Variants in LDB2 observed in about 807,000 individuals in gnomAD.
LDB2 encodes LIM domain-binding protein 2.
A neutral mutation model predicts 44.3 loss-of-function variants in LDB2; 12 were observed. The observed-to-expected ratio is 0.27, with a 90% CI of 0.17 to 0.44. The LOEUF is 0.44. Ranked by LOEUF, LDB2 falls within the 20% of genes least tolerant of loss-of-function variation. The probability of loss-of-function intolerance (pLI) is 1.00; values close to 1 mark genes in which losing one functional copy is unlikely to be tolerated. For missense variants in LDB2, 344 were observed against 473.5 expected, an observed-to-expected ratio of 0.73 and a Z score of 2.54; for synonymous variants, 164 against 174.8, an observed-to-expected ratio of 0.94 and a Z score of 0.49.
chr4:16,802,304 A>G (rs1777991636), intron 1 of LDB2, among the ~76,000 whole-genome samples: 1 of 152,202 alleles, frequency 6.6e-6, no homozygotes, highest in African/African-American at 2.4e-5. Flanking sequence ...TTTGTTGTTC[A>G]CCAGCTATTA....
chr4:16,898,364 G>T lies in LDB2; in HGVS notation c.122C>A (p.Ser41Tyr). The change falls in exon 1 of 8, where the codon TCT (serine) becomes TAT (tyrosine). Residue 41 changes from serine to tyrosine, a missense_variant. Physicochemically the swap from Ser to Tyr is moderately radical, Grantham distance 144. Around this residue, in one of 3 missense-constraint regions of LDB2, gnomAD observed 226 missense variants for 270.1 expected, o/e 0.84. Coordinates refer to ENST00000304523, the MANE Select transcript of LDB2 (RefSeq NM_001290.5). ...GGTTGAAGTACTTACCTCTGTGCGAGACTGCAGTCTCTTGTTCATCTCATA... is the reference window on the plus strand; with the variant it reads ...GGTTGAAGTACTTACCTCTGTGCGATACTGCAGTCTCTTGTTCATCTCATA... ...RIYEMNKRLQ[S>Y]RTEDSDNLWW... The T allele has an allele frequency of 6.2e-7, 1 of 1,613,584 alleles. No homozygotes were observed.
chr4:16,896,208 T>A (rs947127109), intron 1 of LDB2, among the ~76,000 whole-genome samples: 2 of 152,216 alleles, frequency 1.3e-5, no homozygotes, highest in Admixed American at 6.5e-5. Flanking sequence ...CTTCTCTTGG[T>A]TCTTGAGCTA....
chr4:16,844,254 A>AG (rs2110129838), intron 1 of LDB2, among the ~76,000 whole-genome samples: 1 of 148,254 alleles, frequency 6.7e-6, no homozygotes, highest in East Asian at 2.0e-4. Flanking sequence ...TCTCCAAAAA[A>AG]AAAAAAAAAA....
intron 1 of LDB2, among the ~76,000 whole-genome samples, chr4:16,891,467 C>T (rs1292882292): frequency 6.6e-6 from 1 of 151,898 alleles, no homozygotes; most frequent in Non-Finnish European, 1.5e-5. Context: ...CGTGTGCCAC[C>T]ATGCCTGGTT....
chr4:16,712,453 G>C (rs1756110655), intron 2 of LDB2, among the ~76,000 whole-genome samples: 1 of 152,138 alleles, frequency 6.6e-6, no homozygotes, highest in Non-Finnish European at 1.5e-5. Flanking sequence ...TTGGGAGGCT[G>C]AGGCAGGAGA....
In LDB2 at chr4:16,837,573, T is replaced by C. The variant is rs138199381; in HGVS notation, c.132+60781A>G. Among the ~76,000 whole-genome samples the C allele has an allele frequency of 2.1e-3, 321 of 152,326 alleles. 5 individuals carry two copies. In the East Asian group the frequency reaches 0.038, roughly 18 times the overall value. The stretch of plus-strand genomic sequence containing the variant: ...CTTAGAAGTCACTTGCACACTAGGA[T>C]TGCTTTCTGGCTCTGCATGAAAAAG... On this transcript the variant is annotated intron_variant, in intron 1 of 7. Transcript: ENST00000304523.
intron 2 of LDB2, among the ~76,000 whole-genome samples, chr4:16,599,867 T>C (rs551861273): frequency 1.3e-5 from 2 of 152,262 alleles, no homozygotes; most frequent in Admixed American, 6.5e-5. Context: ...CTCTTTCAAA[T>C]TGATTTTTGA....
At chr4:16,736,304 G>A (rs540285560) in intron 2 of LDB2, among the ~76,000 whole-genome samples, 15 of 152,120 alleles carry the variant, frequency 9.9e-5, no homozygotes, top group East Asian at 1.9e-4. Context: ...TCAATGAAAC[G>A]TCTTCCCAAA....
Position 16,623,373 on chromosome 4 carries a change from G to A in LDB2, c.236-27498C>T, listed in dbSNP as rs181284292. Among the ~76,000 whole-genome samples, 29 of 152,222 alleles carry A rather than the reference G, an allele frequency of 1.9e-4. No individual in the cohort carries two copies. The East Asian group carries it at 3.3e-3, about 17-fold the overall frequency. On this transcript the variant is annotated intron_variant, in intron 2 of 7. Coordinates refer to ENST00000304523, the MANE Select transcript of LDB2 (RefSeq NM_001290.5). Reference sequence around the variant, plus strand: ...AGCACTTTGAGAGACCGAGGCGGGCGGATTACCTGAGGTCAGCAGTTCAAG... The same window carrying A: ...AGCACTTTGAGAGACCGAGGCGGGCAGATTACCTGAGGTCAGCAGTTCAAG...
chr4:16,865,887 A>G (rs1260710161), intron 1 of LDB2, among the ~76,000 whole-genome samples: 1 of 152,110 alleles, frequency 6.6e-6, no homozygotes, highest in Non-Finnish European at 1.5e-5. Flanking sequence ...TCCATCTAGA[A>G]TATTCTTCCC....
At chr4:16,675,019 T>C (rs1450937161) in intron 2 of LDB2, among the ~76,000 whole-genome samples, 2 of 152,244 alleles carry the variant, frequency 1.3e-5, no homozygotes, top group African/African-American at 4.8e-5. Flanking sequence ...TTTTACCTCA[T>C]GTATGCAAAT....
intron 7 of LDB2, among the ~76,000 whole-genome samples, chr4:16,504,437 TA>T (rs1474043803): frequency 6.6e-6 from 1 of 152,182 alleles, no homozygotes; most frequent in East Asian, 1.9e-4. Context: ...AAAATGATTT[TA>T]AAAAGAAATG....
chr4:16,651,901 G>A (rs1578485710), intron 2 of LDB2, among the ~76,000 whole-genome samples: 1 of 152,260 alleles, frequency 6.6e-6, no homozygotes, highest in South Asian at 2.1e-4. Context: ...TTACTATAGA[G>A]AGCTCTTACT....
At chr4:16,861,395 A>G (rs1401178045) in intron 1 of LDB2, among the ~76,000 whole-genome samples, 2 of 152,118 alleles carry the variant, frequency 1.3e-5, no homozygotes, top group Admixed American at 6.5e-5. Flanking sequence ...TTAGATGCCA[A>G]TAGTGTCCCC....
At chr4:16,829,788 G>A (rs1009094837) in intron 1 of LDB2, among the ~76,000 whole-genome samples, 1 of 152,170 alleles carries the variant, frequency 6.6e-6, no homozygotes, top group African/African-American at 2.4e-5. Flanking sequence ...AGAACTAGAT[G>A]AAGGCTGTGT....
intron 2 of LDB2, among the ~76,000 whole-genome samples, chr4:16,726,681 A>G (rs1759541529): frequency 6.6e-6 from 1 of 152,172 alleles, no homozygotes. Context: ...GGAAGACTTT[A>G]AAGGGGAGGG....
chr4:16,654,790 T>C (rs1178090320), intron 2 of LDB2, among the ~76,000 whole-genome samples: 1 of 152,206 alleles, frequency 6.6e-6, no homozygotes, highest in African/African-American at 2.4e-5. Flanking sequence ...TCCTCAAAAG[T>C]CTTGGTTAAT....
In LDB2 at chr4:16,857,028, T is replaced by G. The variant is rs551915245; in HGVS notation, c.132+41326A>C. On this transcript the variant is annotated intron_variant, in intron 1 of 7. Coordinates refer to ENST00000304523, the MANE Select transcript of LDB2 (RefSeq NM_001290.5). ...GCTATTCAAATTTTCTGAAGTAGACTTGAAGTCCCACTTTCTTCTTAGAGC... is the reference window on the plus strand; with the variant it reads ...GCTATTCAAATTTTCTGAAGTAGACGTGAAGTCCCACTTTCTTCTTAGAGC... Among the ~76,000 whole-genome samples the G allele has an allele frequency of 2.1e-4, 32 of 152,338 alleles. No homozygotes were observed. The East Asian group carries it at 6.0e-3, about 28-fold the overall frequency.
At chr4:16,676,476 G>A (rs992077293) in intron 2 of LDB2, among the ~76,000 whole-genome samples, 13 of 152,188 alleles carry the variant, frequency 8.5e-5, no homozygotes, top group African/African-American at 2.9e-4. Context: ...CCTGGATTAA[G>A]GCATCCATTA....
Sources: allele counts gnomAD v4.1 joint callset (sites outside exome capture counted in the v4.1 genomes callset), GRCh38; gene constraint gnomAD v4.1.1; regional missense constraint gnomAD v4.1.1; transcripts MANE v1.5; gene names NCBI Gene and HGNC (gene_info 2026-07-23, HGNC 2026-07-21).